MED19: variants seen among roughly 807,000 people sequenced by gnomAD.
MED19 encodes the protein mediator complex subunit 19.
In MED19, 4 loss-of-function variants were observed where a neutral mutation model predicts 19.9. That is an observed-to-expected ratio of 0.20 (90% CI 0.10 to 0.46). The LOEUF (loss-of-function observed/expected upper bound fraction) is 0.46. Ranked by LOEUF, MED19 falls within the 20% of genes least tolerant of loss-of-function variation. The pLI, the probability that MED19 is intolerant of heterozygous loss-of-function variation, is 0.99. For synonymous variants in MED19, 139 were observed against 119.6 expected, an observed-to-expected ratio of 1.16 and a Z score of -1.06; for missense variants, 303 against 318.7, an observed-to-expected ratio of 0.95 and a Z score of 0.38.
At chr11:57,707,414 A>G (rs752660716) in intron 1 of MED19, among the ~76,000 whole-genome samples, 5 of 152,192 alleles carry the variant, frequency 3.3e-5, no homozygotes, top group Non-Finnish European at 7.3e-5. Flanking sequence ...TCACTTGGGA[A>G]AACTGAGGTA....
exon 1 of MED19, chr11:57,712,031 G>A (rs1243568134): frequency 5.9e-6 from 9 of 1,535,614 alleles, no homozygotes; most frequent in South Asian, 3.6e-5. Context: ...AGGAGGAGCC[G>A]TGGCCGCGGT....
At chr11:57,705,950 CAG>C (rs1946503468) in intron 1 of MED19, among the ~76,000 whole-genome samples, 1 of 151,586 alleles carries the variant, frequency 6.6e-6, no homozygotes, top group South Asian at 2.1e-4. Flanking sequence ...CAACCATGCT[CAG>C]GGGGCCAAAT....
exon 2 of MED19, chr11:57,705,098 C>G: frequency 6.2e-7 from 1 of 1,614,162 alleles, no homozygotes; most frequent in Non-Finnish European, 8.5e-7. Flanking sequence ...CCAGGCAGAT[C>G]AATCATCCCT....
Position 57,712,088 on chromosome 11 carries a change from G to A in MED19, c.92C>T (p.Pro31Leu), listed in dbSNP as rs1017012350. Residue 31 changes from proline to leucine, a missense_variant, in exon 1 of 5, where the codon CCG (proline) becomes CTG (leucine). Physicochemically the swap from Pro to Leu is moderately conservative, Grantham distance 98. Transcript: ENST00000431606. ...TCCCCCGCCCGCAGGAGGCGGTGGC[G>A]GGGGTGGAGGCTTTCCTGGTCCGAA... 8 of 1,529,246 alleles carry A rather than the reference G, an allele frequency of 5.2e-6. No homozygotes were observed. In the African/African-American group the frequency reaches 8.3e-5, roughly 16 times the overall value. 94.7% of individuals were successfully genotyped at this position (1,529,246 alleles called of 1,614,324 possible).
intron 1 of MED19, among the ~76,000 whole-genome samples, chr11:57,705,434 C>CTG (rs1946497845): frequency 6.6e-6 from 1 of 151,990 alleles, no homozygotes; most frequent in African/African-American, 2.4e-5. Flanking sequence ...GGTGGATCAC[C>CTG]AGGTCAGGAG....
At chr11:57,704,203 A>C in intron 4 of MED19, 97 bp from the exon 5 acceptor site, 2 of 1,526,598 alleles carry the variant, frequency 1.3e-6, no homozygotes, top group Non-Finnish European at 1.7e-6. Flanking sequence ...TGGGTTTTCA[A>C]TCTTGGGTCC....
At chr11:57,704,175 G>T in intron 4 of MED19, 69 bp from the exon 5 acceptor site, 1 of 1,531,030 alleles carries the variant, frequency 6.5e-7, no homozygotes, top group Non-Finnish European at 8.7e-7. Flanking sequence ...CTGTACAGGA[G>T]AAACCTGCAA....
exon 3 of MED19, chr11:57,704,735 C>G: frequency 1.3e-6 from 2 of 1,575,794 alleles, no homozygotes; most frequent in South Asian, 2.2e-5. Flanking sequence ...GGACAGGATC[C>G]TGGGTACGGC....
chr11:57,705,310 T>C (rs1946496671), intron 1 of MED19, 81 bp from the exon 2 acceptor site: 1 of 1,439,568 alleles, frequency 6.9e-7, no homozygotes, highest in South Asian at 1.4e-5. Context: ...TTAACCTAAA[T>C]AAGACATTTT....
At chr11:57,705,015 G>C (rs1186251276) in exon 2 of MED19, 1 of 1,614,092 alleles carries the variant, frequency 6.2e-7, no homozygotes, top group Admixed American at 1.7e-5. Context: ...TGGTCCCTGT[G>C]ATAGGATTGA....
intron 1 of MED19, 111 bp from the exon 2 acceptor site, chr11:57,705,340 T>C: frequency 8.0e-7 from 1 of 1,243,302 alleles, no homozygotes; most frequent in Non-Finnish European, 1.1e-6. Flanking sequence ...GATTTTAAAA[T>C]TTAAAATTTA....
At chr11:57,704,905 A>C in intron 2 of MED19, 68 bp downstream of exon 2, 1 of 1,604,606 alleles carries the variant, frequency 6.2e-7, no homozygotes, top group Admixed American at 1.7e-5. Context: ...GAAGGAACAG[A>C]CTTGGAGAGA....
At chr11:57,711,585 C>T (rs1254787343) in intron 1 of MED19, among the ~76,000 whole-genome samples, 1 of 151,974 alleles carries the variant, frequency 6.6e-6, no homozygotes, top group Non-Finnish European at 1.5e-5. Flanking sequence ...AACTCCTGAC[C>T]TTAGGTGATT....
chr11:57,708,041 C>T (rs2135417319), intron 1 of MED19, among the ~76,000 whole-genome samples: 1 of 151,956 alleles, frequency 6.6e-6, no homozygotes. Flanking sequence ...CCTATGTTGC[C>T]CAGGCTGGTC....
intron 1 of MED19, among the ~76,000 whole-genome samples, chr11:57,708,066 T>C (rs1399040840): frequency 6.6e-6 from 1 of 151,948 alleles, no homozygotes; most frequent in African/African-American, 2.4e-5. Context: ...ACTCCTGGAC[T>C]CAAGCTATCT....
At chr11:57,712,109 C>G in exon 1 of MED19, 2 of 1,527,766 alleles carry the variant, frequency 1.3e-6, no homozygotes, top group South Asian at 2.4e-5. Flanking sequence ...CTTTCCTGGT[C>G]CGAAGCCGAG....
Position 57,706,504 on chromosome 11 carries a change from C to G in MED19, c.218-1275G>C, listed in dbSNP as rs190264792. ...GTCAACTAATGGCCAGGCGCGGTGGCTCACGCCTGTAATCCCAGCACTTCA... is the reference window on the plus strand; with the variant it reads ...GTCAACTAATGGCCAGGCGCGGTGGGTCACGCCTGTAATCCCAGCACTTCA... On this transcript the variant is annotated intron_variant, in intron 1 of 4. Transcript: ENST00000431606. 8.6e-3 allele frequency among the ~76,000 whole-genome samples: 1,305 copies of G among 152,264 alleles called. 25 individuals carry two copies. The highest frequency in any genetic ancestry group is 0.029 in the African/African-American group (1,208 of 41,568).
chr11:57,711,385 C>T (rs1946596031), intron 1 of MED19, among the ~76,000 whole-genome samples: 1 of 151,990 alleles, frequency 6.6e-6, no homozygotes, highest in Non-Finnish European at 1.5e-5. Context: ...GAGACGGAGT[C>T]TCGTTCGCCC....
At chr11:57,704,332 T>C in exon 4 of MED19, 1 of 1,535,546 alleles carries the variant, frequency 6.5e-7, no homozygotes, top group Non-Finnish European at 8.7e-7. Context: ...TCTTCTTCCT[T>C]TTCCGTTCAG....
Sources: gnomAD v4.1 joint callset for allele counts (sites outside exome capture counted in the v4.1 genomes callset) on GRCh38, gnomAD v4.1.1 for gene constraint, MANE v1.5 for transcripts, NCBI Gene and HGNC (gene_info 2026-07-23, HGNC 2026-07-21) for gene names.